Variants in NAV3 observed in about 807,000 individuals in gnomAD.
NAV3 encodes neuron navigator 3.
In NAV3, 87 loss-of-function variants were observed where a neutral mutation model predicts 244.7. The observed-to-expected ratio is 0.36, with a 90% CI of 0.30 to 0.42. The LOEUF (loss-of-function observed/expected upper bound fraction) is 0.42, where lower values mean the gene tolerates loss of function less well. Ranked by LOEUF, NAV3 falls within the 20% of genes least tolerant of loss-of-function variation. The probability of loss-of-function intolerance (pLI) is 1.00; values close to 1 mark genes in which losing one functional copy is unlikely to be tolerated. For synonymous variants in NAV3, 1,126 were observed against 1,042.2 expected (o/e 1.08, Z -1.55); for missense variants, 2,663 against 2,893.3 (o/e 0.92, Z 1.83).
chr12:78,002,496 A>C (rs10506765), intron 7 of NAV3, among the ~76,000 whole-genome samples: 68,199 of 152,022 alleles, frequency 0.45, 15,823 homozygotes, highest in African/African-American at 0.57. Context: ...TTTTAATTCA[A>C]CATTATACAG....
At chr12:77,629,173 A>T (rs560659205) in intron 2 of NAV3, among the ~76,000 whole-genome samples, 1 of 152,216 alleles carries the variant, frequency 6.6e-6, no homozygotes, top group Non-Finnish European at 1.5e-5. Context: ...ATGAGAGTTG[A>T]TTTATTTTTA....
At chr12:78,128,594 C>A in intron 17 of NAV3, 112 bp from the exon 18 acceptor site, 2 of 1,046,474 alleles carry the variant, frequency 1.9e-6, no homozygotes, top group Non-Finnish European at 2.7e-6. Context: ...TAGATTCAAT[C>A]TGTTTGAAAT....
chr12:77,717,240 A>G (rs1182398267), intron 2 of NAV3, among the ~76,000 whole-genome samples: 1 of 152,062 alleles, frequency 6.6e-6, no homozygotes. Flanking sequence ...TTCTTCCTGC[A>G]TGACCAAAAC....
intron 23 of NAV3, among the ~76,000 whole-genome samples, chr12:78,160,402 T>TGTGTGTGTGC (rs776750180): frequency 8.5e-4 from 77 of 90,520 alleles, no homozygotes; most frequent in Non-Finnish European, 1.1e-3. Context: ...TGTGTGTGCG[T>TGTGTGTGTGC]GCGTGTGTGT....
chr12:78,113,806 C>G (rs560622106), intron 12 of NAV3, among the ~76,000 whole-genome samples: 21 of 152,328 alleles, frequency 1.4e-4, no homozygotes, highest in East Asian at 5.8e-4. Flanking sequence ...AATTTCTCCT[C>G]AGAAAATGAG....
At chr12:78,001,410 T>C (rs1873283842) in intron 7 of NAV3, among the ~76,000 whole-genome samples, 1 of 152,132 alleles carries the variant, frequency 6.6e-6, no homozygotes, top group African/African-American at 2.4e-5. Context: ...AGAGGATGAG[T>C]TACATAAATC....
intron 1 of NAV3, among the ~76,000 whole-genome samples, chr12:77,890,935 A>G (rs534525275): frequency 6.6e-6 from 1 of 152,324 alleles, no homozygotes; most frequent in South Asian, 2.1e-4. Context: ...ACAATGTTCT[A>G]ATATGATAAA....
intron 2 of NAV3, among the ~76,000 whole-genome samples, chr12:77,603,022 G>C (rs1001793538): frequency 5.3e-5 from 8 of 152,024 alleles, no homozygotes; most frequent in African/African-American, 1.9e-4. Context: ...GGGAGTATAA[G>C]CATGCTATCT....
chr12:77,639,665 G>C (rs1463761122), intron 2 of NAV3, among the ~76,000 whole-genome samples: 1 of 152,138 alleles, frequency 6.6e-6, no homozygotes, highest in Non-Finnish European at 1.5e-5. Flanking sequence ...GAAAGACAAA[G>C]GAACCACAGG....
rs766581999 is a variant in NAV3 at position 78,197,428 on chromosome 12, T to C, written c.6446+27T>C. ...TATGCTTATCAAATATTCTGAATAA[T>C]GAAATATGAAATAATTATCATCAAA... On this transcript the variant is annotated intron_variant, in intron 35 of 39. Coordinates refer to ENST00000397909, the MANE Select transcript of NAV3 (RefSeq NM_001024383.2). The C allele has an allele frequency of 4.0e-6, 6 of 1,490,662 alleles. No homozygotes were observed. The East Asian group carries it at 1.2e-4, about 30-fold the overall frequency. 92.3% of individuals were successfully genotyped at this position (1,490,662 alleles called of 1,614,324 possible).
At chr12:78,192,931 G>A (rs1013599300) in intron 34 of NAV3, among the ~76,000 whole-genome samples, 2 of 152,102 alleles carry the variant, frequency 1.3e-5, no homozygotes, top group African/African-American at 4.8e-5. Flanking sequence ...GTGAGGGTAA[G>A]TGAGGATAAA....
At chr12:78,117,886 A>C (rs1955490119) in intron 13 of NAV3, 141 bp from the exon 14 acceptor site, 1 of 857,930 alleles carries the variant, frequency 1.2e-6, no homozygotes. Context: ...TATGTGGCTA[A>C]AATTAATAAA....
intron 1 of NAV3, among the ~76,000 whole-genome samples, chr12:77,851,123 C>A (rs562363691): frequency 1.3e-5 from 2 of 152,142 alleles, no homozygotes; most frequent in Non-Finnish European, 2.9e-5. Flanking sequence ...GCATTCTGAT[C>A]CCCCCAGCTA....
At chr12:78,009,793 T>C (rs1017178742) in intron 8 of NAV3, among the ~76,000 whole-genome samples, 12 of 152,226 alleles carry the variant, frequency 7.9e-5, no homozygotes, top group African/African-American at 2.7e-4. Context: ...CCTACCTCGA[T>C]TGATTGTATG....
rs1874313784 is a variant in NAV3, at chr12:78,006,840, C to G, written c.1302C>G (p.Gly434=). ...EGFNSGLNSG[G]STNSSPKVSP... ...TTAACAGTGGTCTGAATAGTGGTGG[C>G]TCAACAAATAGCAGTCCCAAAGTGT... Residue 434 remains glycine (G), a synonymous_variant, in exon 8 of 40, where the codon GGC becomes GGG. Transcript: ENST00000397909. 1 of 1,614,150 alleles carries G rather than the reference C, an allele frequency of 6.2e-7. No homozygotes were observed. The highest frequency in any genetic ancestry group is 1.3e-5 in the African/African-American group (1 of 75,034).
At chr12:77,841,496 C>A (rs1426120970) in intron 1 of NAV3, among the ~76,000 whole-genome samples, 3 of 152,152 alleles carry the variant, frequency 2.0e-5, no homozygotes, top group Non-Finnish European at 4.4e-5. Context: ...AGTGGCTTAA[C>A]ACAATAGAAA....
intron 2 of NAV3, among the ~76,000 whole-genome samples, chr12:77,743,732 A>G (rs1868394382): frequency 6.6e-6 from 1 of 151,930 alleles, no homozygotes; most frequent in Non-Finnish European, 1.5e-5. Context: ...TTCCATATGT[A>G]TATTATAATA....
chr12:77,801,255 A>G (rs1162156564), intron 2 of NAV3, among the ~76,000 whole-genome samples: 5 of 152,090 alleles, frequency 3.3e-5, no homozygotes, highest in South Asian at 4.1e-4. Flanking sequence ...TTCTTTTTCT[A>G]TTTACATTAT....
intron 2 of NAV3, among the ~76,000 whole-genome samples, chr12:77,579,850 G>A (rs765891131): frequency 1.3e-4 from 20 of 152,248 alleles, no homozygotes; most frequent in Admixed American, 5.2e-4. Context: ...TCTCGAATCC[G>A]ACACTTTGTC....
Sources: gnomAD v4.1 joint callset for allele counts (sites outside exome capture counted in the v4.1 genomes callset) on GRCh38, gnomAD v4.1.1 for gene constraint, MANE v1.5 for transcripts, NCBI Gene and HGNC (gene_info 2026-07-23, HGNC 2026-07-21) for gene names.